The following DLG2 variants were observed in gnomAD, a reference collection of about 807,000 sequenced individuals.
DLG2 encodes disks large homolog 2.
In DLG2, 45 loss-of-function variants were observed where a neutral mutation model predicts 132.5. The ratio of observed to expected loss-of-function variants is 0.34; its 90% CI spans 0.27 to 0.44. The LOEUF (loss-of-function observed/expected upper bound fraction) is 0.44. Ranked by LOEUF, DLG2 falls within the 20% of genes least tolerant of loss-of-function variation. The pLI is 1.00. For missense variants in DLG2, 1,045 were observed against 1,196.9 expected, an observed-to-expected ratio of 0.87 and a Z score of 1.87; for synonymous variants, 424 against 419.6, an observed-to-expected ratio of 1.01 and a Z score of -0.13.
In DLG2 at chr11:85,626,325, C is replaced by T. The variant is rs12575551; in HGVS notation, c.-93+262G>A. ...TAAGAAAACAAGCTAAAGGAGACTCCAAATCTGCGGTACTGAATCTATTCT... is the reference window on the plus strand; with the variant it reads ...TAAGAAAACAAGCTAAAGGAGACTCTAAATCTGCGGTACTGAATCTATTCT... On this transcript the variant is annotated intron_variant, in intron 2 of 27. Coordinates refer to ENST00000376104, the MANE Select transcript of DLG2 (RefSeq NM_001142699.3). Among the ~76,000 whole-genome samples the T allele has an allele frequency of 1.2e-3, 180 of 152,198 alleles. 3 individuals carry two copies. The East Asian group carries it at 0.026, about 22-fold the overall frequency.
intron 15 of DLG2, among the ~76,000 whole-genome samples, chr11:83,887,840 G>T (rs1313511587): frequency 6.9e-6 from 1 of 145,442 alleles, no homozygotes; most frequent in Admixed American, 6.8e-5. Flanking sequence ...CGGAACCAAA[G>T]ACAAAAACCA....
intron 6 of DLG2, among the ~76,000 whole-genome samples, chr11:84,588,327 C>G (rs1224611485): frequency 1.3e-5 from 2 of 152,182 alleles, no homozygotes; most frequent in African/African-American, 4.8e-5. Flanking sequence ...ATCTTCTTTT[C>G]AGCCCCACCC....
At chr11:83,463,380 C>CCAAA (rs1423004025) in intron 26 of DLG2, among the ~76,000 whole-genome samples, 1 of 152,092 alleles carries the variant, frequency 6.6e-6, no homozygotes, top group Non-Finnish European at 1.5e-5. Flanking sequence ...AATTTTTCTT[C>CCAAA]CAAACAGTCT....
chr11:83,770,609 C>T (rs1454255584), intron 18 of DLG2, among the ~76,000 whole-genome samples: 4 of 151,866 alleles, frequency 2.6e-5, no homozygotes, highest in African/African-American at 7.3e-5. Flanking sequence ...TTGATAAGTG[C>T]GCTTATTTTT....
chr11:83,466,747 ATGGGATAGAGC>A lies in DLG2; in HGVS notation c.2679_2689del (p.Gln893HisfsTer18). On this transcript the variant is annotated frameshift_variant, in exon 26 of 28. Coordinates refer to ENST00000376104, the MANE Select transcript of DLG2 (RefSeq NM_001142699.3). LOFTEE classifies it high-confidence loss of function. ...AGACCTGGGTTTTATGAAGATGGCA[ATGGGATAGAGC>A]TGGGCAACTTGTAACCGCTTGATAG... 1 of 1,613,718 alleles carries A rather than the reference ATGGGATAGAGC, an allele frequency of 6.2e-7. No homozygotes were observed. The highest frequency in any genetic ancestry group is 1.1e-5 in the South Asian group (1 of 91,068).
chr11:83,995,324 C>A, intron 11 of DLG2, among the ~76,000 whole-genome samples: 1 of 152,066 alleles, frequency 6.6e-6, no homozygotes, highest in East Asian at 1.9e-4. Flanking sequence ...TAATGACAGT[C>A]AAGTGCAAGT....
At chr11:84,143,749 C>T (rs2000961) in intron 9 of DLG2, among the ~76,000 whole-genome samples, 131,194 of 152,124 alleles carry the variant, frequency 0.86, 56,858 homozygotes, top group Middle Eastern at 0.94. Flanking sequence ...CTTCTCTGTG[C>T]GTTTTTCCTT....
At position 84,630,283 on chromosome 11, in the gene DLG2, C is replaced by A. The variant is rs2099629268; in HGVS notation, c.358-95552G>T. ...TGAGTAAATAACTCAGAAGGGGCAACAGAATCTTGTAGAAACCATTTGGGA... is the reference window on the plus strand; with the variant it reads ...TGAGTAAATAACTCAGAAGGGGCAAAAGAATCTTGTAGAAACCATTTGGGA... On this transcript the variant is annotated intron_variant, in intron 6 of 27. Transcript: ENST00000376104. Among the ~76,000 whole-genome samples, 4 of 152,270 alleles carry A rather than the reference C, an allele frequency of 2.6e-5. 1 individual carries two copies. In the South Asian group the frequency reaches 8.3e-4, roughly 32 times the overall value.
intron 6 of DLG2, among the ~76,000 whole-genome samples, chr11:84,719,489 C>G (rs537686305): frequency 6.6e-6 from 1 of 152,308 alleles, no homozygotes; most frequent in African/African-American, 2.4e-5. Context: ...GACATGCACT[C>G]AGGCCATTAA....
At chr11:84,753,502 G>A (rs969393437) in intron 6 of DLG2, among the ~76,000 whole-genome samples, 2 of 152,150 alleles carry the variant, frequency 1.3e-5, no homozygotes, top group African/African-American at 4.8e-5. Context: ...AACATAAGCA[G>A]TCAAAGATTA....
intron 7 of DLG2, among the ~76,000 whole-genome samples, chr11:84,281,177 C>T (rs1350086329): frequency 6.6e-6 from 1 of 152,072 alleles, no homozygotes; most frequent in African/African-American, 2.4e-5. Context: ...GGATTATATA[C>T]TTAGATGTAA....
intron 3 of DLG2, among the ~76,000 whole-genome samples, chr11:85,542,616 G>A (rs943967018): frequency 6.6e-6 from 1 of 152,056 alleles, no homozygotes; most frequent in African/African-American, 2.4e-5. Flanking sequence ...TGTTGGCTCT[G>A]GGTTTTAAAG....
intron 6 of DLG2, among the ~76,000 whole-genome samples, chr11:84,875,181 T>G (rs1340766627): frequency 6.6e-6 from 1 of 152,172 alleles, no homozygotes; most frequent in Non-Finnish European, 1.5e-5. Flanking sequence ...GATTTTTCAA[T>G]AAAAAATTAT....
intron 4 of DLG2, among the ~76,000 whole-genome samples, chr11:85,278,677 C>T (rs1245834717): frequency 6.6e-6 from 1 of 152,154 alleles, no homozygotes; most frequent in Non-Finnish European, 1.5e-5. Flanking sequence ...CCTTTACTCA[C>T]ATAGTTTTCT....
chr11:85,373,221 G>C (rs910709242), intron 3 of DLG2, among the ~76,000 whole-genome samples: 5 of 152,086 alleles, frequency 3.3e-5, no homozygotes. Flanking sequence ...ACTGGTAAAA[G>C]GCCTTGGAAT....
At chr11:84,601,662 G>T (rs144668660) in intron 6 of DLG2, among the ~76,000 whole-genome samples, 2 of 152,072 alleles carry the variant, frequency 1.3e-5, no homozygotes, top group African/African-American at 2.4e-5. Context: ...ATAATTACAC[G>T]TGATGATGTT....
At chr11:85,252,228 A>G (rs1257462630) in intron 4 of DLG2, among the ~76,000 whole-genome samples, 1 of 152,254 alleles carries the variant, frequency 6.6e-6, no homozygotes. Context: ...AGTAGGGACC[A>G]CTGAATCAAC....
intron 6 of DLG2, among the ~76,000 whole-genome samples, chr11:85,060,192 G>A (rs1451704295): frequency 1.3e-5 from 2 of 151,418 alleles, no homozygotes; most frequent in African/African-American, 4.8e-5. Flanking sequence ...GAATTATGCA[G>A]TATTTGTCCC....
In DLG2 at chr11:84,478,180, AT is replaced by A. The variant is rs1409357590; in HGVS notation, c.519+56389del. Among the ~76,000 whole-genome samples, 5 of 152,262 alleles carry A rather than the reference AT, an allele frequency of 3.3e-5. No homozygotes were observed. The East Asian group carries it at 9.7e-4, about 30-fold the overall frequency. The stretch of plus-strand genomic sequence containing the variant: ...TATTACAAATTTCTTAGGAGGCAGC[AT>A]GTCACAGTGGCTCAATTTGTTTAAT... On this transcript the variant is annotated intron_variant, in intron 7 of 27. Coordinates refer to ENST00000376104, the MANE Select transcript of DLG2 (RefSeq NM_001142699.3).
Sources: gnomAD v4.1 joint callset for allele counts (sites outside exome capture counted in the v4.1 genomes callset) on GRCh38, gnomAD v4.1.1 for gene constraint, MANE v1.5 for transcripts, NCBI Gene and HGNC (gene_info 2026-07-23, HGNC 2026-07-21) for gene names.